The following GPC6 variants were observed in gnomAD, a reference collection of about 807,000 sequenced individuals.
GPC6 encodes glypican 6.
A neutral mutation model predicts 55.2 loss-of-function variants in GPC6; 14 were observed. The ratio of observed to expected loss-of-function variants is 0.25; its 90% confidence interval spans 0.17 to 0.40. The LOEUF (loss-of-function observed/expected upper bound fraction) is 0.40. GPC6 is among the 10% of genes least tolerant of loss of function. GPC6 has a pLI of 1.00. For missense variants in GPC6, 641 were observed against 708.5 expected (o/e 0.90, Z 1.08); for synonymous variants, 278 against 259.6 (o/e 1.07, Z -0.68).
chr13:93,496,484 A>T (rs767253597), intron 1 of GPC6, among the ~76,000 whole-genome samples: 1 of 152,104 alleles, frequency 6.6e-6, no homozygotes, highest in East Asian at 1.9e-4. Context: ...TGCGTCGCTC[A>T]TGCTGGGAGC....
intron 2 of GPC6, among the ~76,000 whole-genome samples, chr13:93,644,919 A>AC (rs1408825576): frequency 1.3e-5 from 2 of 152,174 alleles, no homozygotes; most frequent in African/African-American, 4.8e-5. Context: ...CACTGATTAA[A>AC]CACACAGCCA....
intron 2 of GPC6, among the ~76,000 whole-genome samples, chr13:93,819,099 C>A (rs1187995656): frequency 6.6e-6 from 1 of 152,158 alleles, no homozygotes; most frequent in Non-Finnish European, 1.5e-5. Flanking sequence ...TTAATGGGCA[C>A]CCTGGGTTGA....
chr13:94,355,118 G>C (rs1208519654), intron 6 of GPC6, among the ~76,000 whole-genome samples: 1 of 151,604 alleles, frequency 6.6e-6, no homozygotes, highest in Admixed American at 6.6e-5. Context: ...CTGCCTCCCA[G>C]ATTGAAGCTA....
chr13:93,302,121 T>A (rs1878701969), intron 1 of GPC6, among the ~76,000 whole-genome samples: 2 of 152,192 alleles, frequency 1.3e-5, no homozygotes, highest in Admixed American at 6.5e-5. Context: ...GGCCTCTGTT[T>A]ATGAGCAAGG....
chr13:93,744,119 A>C (rs1053359748), intron 2 of GPC6, among the ~76,000 whole-genome samples: 1 of 152,088 alleles, frequency 6.6e-6, no homozygotes, highest in Non-Finnish European at 1.5e-5. Context: ...AGTTTTTGCC[A>C]ATGTGTTTGT....
chr13:94,197,818 A>T (rs1889626928), intron 4 of GPC6, among the ~76,000 whole-genome samples: 1 of 152,202 alleles, frequency 6.6e-6, no homozygotes, highest in African/African-American at 2.4e-5. Flanking sequence ...ATATACATTT[A>T]GCATCAAAAT....
chr13:93,318,023 C>T (rs1298046626), intron 1 of GPC6, among the ~76,000 whole-genome samples: 1 of 152,154 alleles, frequency 6.6e-6, no homozygotes, highest in Admixed American at 6.6e-5. Context: ...ATGAATTCAA[C>T]TCATGTTATG....
intron 5 of GPC6, 64 bp downstream of exon 5, chr13:94,286,543 C>T (rs2139084832): frequency 2.1e-6 from 3 of 1,404,198 alleles, no homozygotes; most frequent in South Asian, 1.2e-5. Context: ...AACCTAAAAA[C>T]GAAGTAACTA....
chr13:93,610,549 T>C (rs1376126592), intron 2 of GPC6, among the ~76,000 whole-genome samples: 1 of 152,162 alleles, frequency 6.6e-6, no homozygotes, highest in East Asian at 1.9e-4. Context: ...AGGTAAATCA[T>C]GTTGGAGGAT....
At chr13:94,089,289 C>T (rs1885397509) in intron 4 of GPC6, among the ~76,000 whole-genome samples, 1 of 152,072 alleles carries the variant, frequency 6.6e-6, no homozygotes, top group African/African-American at 2.4e-5. Context: ...AGGTCAGAGC[C>T]CCTACCAAGG....
At chr13:93,796,380 CT>C (rs966802442) in intron 2 of GPC6, among the ~76,000 whole-genome samples, 3 of 151,800 alleles carry the variant, frequency 2.0e-5, no homozygotes, top group East Asian at 3.9e-4. Context: ...AGAGAGTGGA[CT>C]TTTTTTTAGC....
chr13:93,528,022 G>T (rs951171277), intron 1 of GPC6, among the ~76,000 whole-genome samples: 1 of 151,926 alleles, frequency 6.6e-6, no homozygotes, highest in Non-Finnish European at 1.5e-5. Flanking sequence ...TATTTTATAG[G>T]GAAGAAAAAT....
intron 1 of GPC6, among the ~76,000 whole-genome samples, chr13:93,473,902 G>A (rs1879214843): frequency 6.6e-6 from 1 of 152,200 alleles, no homozygotes; most frequent in Non-Finnish European, 1.5e-5. Flanking sequence ...GAAGGTGGGG[G>A]TGGTGTGGTT....
chr13:93,412,604 C>T (rs1876548884), intron 1 of GPC6, among the ~76,000 whole-genome samples: 1 of 152,142 alleles, frequency 6.6e-6, no homozygotes, highest in South Asian at 2.1e-4. Context: ...TTGCAGTGGG[C>T]AGAGATTGCA....
At chr13:94,014,974 A>G (rs1882402585) in intron 3 of GPC6, among the ~76,000 whole-genome samples, 2 of 152,202 alleles carry the variant, frequency 1.3e-5, no homozygotes, top group African/African-American at 2.4e-5. Flanking sequence ...GTTTGGAGGT[A>G]CTATGAAGGA....
At chr13:94,121,775 A>G (rs918291981) in intron 4 of GPC6, among the ~76,000 whole-genome samples, 1 of 152,120 alleles carries the variant, frequency 6.6e-6, no homozygotes, top group Non-Finnish European at 1.5e-5. Context: ...TAATCTTAAA[A>G]TAGAGCTGTA....
chr13:93,265,487 G>T (rs576102474), intron 1 of GPC6, among the ~76,000 whole-genome samples: 1 of 152,168 alleles, frequency 6.6e-6, no homozygotes, highest in African/African-American at 2.4e-5. Flanking sequence ...ATTAAAAGTC[G>T]TATTTAAAAT....
chr13:93,958,443 T>C (rs545422273), intron 3 of GPC6, among the ~76,000 whole-genome samples: 1 of 152,324 alleles, frequency 6.6e-6, no homozygotes, highest in South Asian at 2.1e-4. Flanking sequence ...AACCATCTAT[T>C]GAGTAGGGAG....
intron 6 of GPC6, among the ~76,000 whole-genome samples, chr13:94,354,447 A>AGAT (rs1282734929): frequency 1.3e-5 from 2 of 152,344 alleles, no homozygotes; most frequent in African/African-American, 4.8e-5. Context: ...CAAATGCATG[A>AGAT]GATACTGATA....
Sources: gnomAD v4.1 joint callset for allele counts (sites outside exome capture counted in the v4.1 genomes callset) on GRCh38, gnomAD v4.1.1 for gene constraint, MANE v1.5 for transcripts, NCBI Gene and HGNC (gene_info 2026-07-23, HGNC 2026-07-21) for gene names.